The following PRMT3 variants were observed in gnomAD, a reference collection of about 807,000 sequenced individuals.
PRMT3 encodes protein arginine N-methyltransferase 3.
In PRMT3, 62 loss-of-function variants were observed where a neutral mutation model predicts 71.9. The ratio of observed to expected loss-of-function variants is 0.86; its 90% CI spans 0.70 to 1.07. The LOEUF (loss-of-function observed/expected upper bound fraction) is 1.07, where lower values mean the gene tolerates loss of function less well. PRMT3 is among the 50% of genes least tolerant of loss of function. The pLI, the probability that PRMT3 is intolerant of heterozygous loss-of-function variation, is 0.00. For missense variants in PRMT3, 663 were observed against 643.0 expected, an observed-to-expected ratio of 1.03 and a Z score of -0.34; for synonymous variants, 213 against 220.4, an observed-to-expected ratio of 0.97 and a Z score of 0.30.
Position 20,426,948 on chromosome 11 carries a change from A to G in PRMT3, c.993+83A>G, listed in dbSNP as rs891103335. ...TAATAGTTTTCATGAATTTAATTATATTTGATACATGGCAGAATGGTGACA... is the reference window on the plus strand; with the variant it reads ...TAATAGTTTTCATGAATTTAATTATGTTTGATACATGGCAGAATGGTGACA... On this transcript the variant is annotated intron_variant, in intron 10 of 15. Transcript: ENST00000331079. The G allele has an allele frequency of 4.2e-6, 6 of 1,427,206 alleles. No individual in the cohort carries two copies. The African/African-American group carries it at 7.6e-5, about 18-fold the overall frequency. 88.4% of individuals were successfully genotyped at this position (1,427,206 alleles called of 1,614,324 possible). A position where few individuals can be genotyped will look rare whatever the true frequency, so the allele number is the denominator to read the frequency against.
chr11:20,437,841 G>T (rs538285957), intron 10 of PRMT3, among the ~76,000 whole-genome samples: 15 of 151,958 alleles, frequency 9.9e-5, no homozygotes, highest in Non-Finnish European at 2.2e-4. Flanking sequence ...CGCCCGCCTC[G>T]GCCTCCCAAA....
intron 9 of PRMT3, among the ~76,000 whole-genome samples, chr11:20,418,100 A>G (rs1849348247): frequency 6.6e-6 from 1 of 151,770 alleles, no homozygotes; most frequent in Non-Finnish European, 1.5e-5. Flanking sequence ...ATAGGAAAGT[A>G]TGTGTTCTAA....
chr11:20,504,707 T>TGTGTGTGTGTGAGA (rs1332372470), intron 15 of PRMT3, among the ~76,000 whole-genome samples: 1 of 133,590 alleles, frequency 7.5e-6, no homozygotes, highest in African/African-American at 3.0e-5. Context: ...TGTGTGTGTG[T>TGTGTGTGTGTGAGA]GAGAGAGAGA....
At chr11:20,396,635 C>A (rs942861003) in intron 6 of PRMT3, among the ~76,000 whole-genome samples, 3 of 151,116 alleles carry the variant, frequency 2.0e-5, no homozygotes, top group Non-Finnish European at 4.4e-5. Flanking sequence ...AAGACTTTGT[C>A]GGGGTGGGGT....
intron 13 of PRMT3, among the ~76,000 whole-genome samples, chr11:20,479,910 C>T (rs1473220825): frequency 6.6e-6 from 1 of 151,946 alleles, no homozygotes; most frequent in Non-Finnish European, 1.5e-5. Context: ...CTTCCTCAGC[C>T]CCAAGCTAGA....
At position 20,494,212 on chromosome 11, in the gene PRMT3, CAAACA is replaced by C; in HGVS notation, c.1445_1449del (p.Gln482ArgfsTer11). 1 of 1,611,256 alleles carries C rather than the reference CAAACA, an allele frequency of 6.2e-7. No homozygotes were observed. Among genetic ancestry groups the C allele is most frequent in the Non-Finnish European group, 8.5e-7 (1 of 1,177,530 alleles). ...TCAGAGCACCAAAACACACTGGAAACAAACAGTATTTCTACTGGAAAAACCATTTT... is the reference window on the plus strand; with the variant it reads ...TCAGAGCACCAAAACACACTGGAAACGTATTTCTACTGGAAAAACCATTTT... On this transcript the variant is annotated frameshift_variant, in exon 15 of 16. Coordinates refer to ENST00000331079, the MANE Select transcript of PRMT3 (RefSeq NM_005788.4). LOFTEE classifies it high-confidence loss of function.
chr11:20,395,030 C>T (rs1036046105), intron 5 of PRMT3, among the ~76,000 whole-genome samples: 2 of 152,120 alleles, frequency 1.3e-5, no homozygotes, highest in Non-Finnish European at 2.9e-5. Flanking sequence ...CCTCCATAAA[C>T]AGATATATAA....
chr11:20,504,707 T>TGTGTGAGAGAGAGAGAGAGAGA (rs1332372470), intron 15 of PRMT3, among the ~76,000 whole-genome samples: 5 of 133,646 alleles, frequency 3.7e-5, no homozygotes, highest in African/African-American at 9.1e-5. Context: ...TGTGTGTGTG[T>TGTGTGAGAGAGAGAGAGAGAGA]GAGAGAGAGA....
At chr11:20,460,240 G>A (rs1231617145) in intron 11 of PRMT3, among the ~76,000 whole-genome samples, 2 of 152,016 alleles carry the variant, frequency 1.3e-5, no homozygotes, top group Non-Finnish European at 2.9e-5. Context: ...TAATACTCAT[G>A]GTTTTTGTTT....
At chr11:20,425,032 A>G (rs1849514672) in intron 9 of PRMT3, among the ~76,000 whole-genome samples, 1 of 151,780 alleles carries the variant, frequency 6.6e-6, no homozygotes, top group South Asian at 2.1e-4. Flanking sequence ...TGAGCTTGAG[A>G]GAGGTTGAGG....
intron 7 of PRMT3, among the ~76,000 whole-genome samples, chr11:20,400,045 G>A (rs1197767663): frequency 1.3e-5 from 2 of 152,146 alleles, no homozygotes; most frequent in African/African-American, 2.4e-5. Flanking sequence ...GCCAAGTTAC[G>A]TGCCTTGGAT....
intron 13 of PRMT3, among the ~76,000 whole-genome samples, chr11:20,467,452 G>A (rs1055051804): frequency 6.6e-6 from 1 of 151,628 alleles, no homozygotes; most frequent in African/African-American, 2.4e-5. Flanking sequence ...TTGTGGGATT[G>A]TAGAAACTAT....
chr11:20,432,890 G>T (rs1670469029), intron 10 of PRMT3, among the ~76,000 whole-genome samples: 1 of 151,962 alleles, frequency 6.6e-6, no homozygotes, highest in South Asian at 2.1e-4. Context: ...GCCCATTTTT[G>T]ATCAGATTAT....
chr11:20,462,054 T>G lies in PRMT3; in HGVS notation c.1147T>G (p.Trp383Gly). ...VNKHADRIAF[W>G]DDVYGFKMSC... Reference sequence around the variant, plus strand: ...TAAACATGCTGATAGAATTGCTTTTTGGGATGATGTCTATGGCTTCAAGAT... The same window carrying G: ...TAAACATGCTGATAGAATTGCTTTTGGGGATGATGTCTATGGCTTCAAGAT... The change falls in exon 12 of 16, where the codon TGG becomes GGG. Residue 383 changes from tryptophan (W) to glycine (G), a missense_variant. By Grantham distance (184) the Trp-to-Gly change is radical. Transcript: ENST00000331079. 2 of 1,612,952 alleles carry G rather than the reference T, an allele frequency of 1.2e-6. No homozygotes were observed. Among genetic ancestry groups the G allele is most frequent in the Non-Finnish European group, 1.7e-6 (2 of 1,179,228 alleles).
intron 9 of PRMT3, among the ~76,000 whole-genome samples, chr11:20,410,500 T>TGTTC (rs10647170): frequency 6.6e-6 from 1 of 151,756 alleles, no homozygotes; most frequent in East Asian, 1.9e-4. Flanking sequence ...TCAAAATAAA[T>TGTTC]AGGTAGTTGT....
chr11:20,485,444 T>G (rs1851048842), intron 13 of PRMT3, among the ~76,000 whole-genome samples: 1 of 152,190 alleles, frequency 6.6e-6, no homozygotes, highest in Non-Finnish European at 1.5e-5. Context: ...TTTGAAAAAC[T>G]ATGCTTACTA....
rs572214098 is a variant in PRMT3 at position 20,471,331 on chromosome 11, G to A, written c.1347+6785G>A. 5.3e-5 allele frequency among the ~76,000 whole-genome samples: 8 copies of A among 151,994 alleles called. No homozygotes were observed. In the East Asian group the frequency reaches 1.5e-3, roughly 29 times the overall value. On this transcript the variant is annotated intron_variant, in intron 13 of 15. Coordinates refer to ENST00000331079, the MANE Select transcript of PRMT3 (RefSeq NM_005788.4). The stretch of plus-strand genomic sequence containing the variant: ...GTAGTATTACCTAGATTTTCTTCTG[G>A]GGTTTTTATAGTTTTGGGTTTTACA...
chr11:20,424,482 T>C (rs1297122498), intron 9 of PRMT3, among the ~76,000 whole-genome samples: 1 of 152,192 alleles, frequency 6.6e-6, no homozygotes, highest in African/African-American at 2.4e-5. Flanking sequence ...TGATAGTCTG[T>C]CCAACAAAGT....
intron 13 of PRMT3, among the ~76,000 whole-genome samples, chr11:20,476,859 G>T (rs919196084): frequency 6.6e-6 from 1 of 151,878 alleles, no homozygotes; most frequent in African/African-American, 2.4e-5. Flanking sequence ...CAAGTGATCT[G>T]CGATTTTGCT....
Sources: gnomAD v4.1 joint callset for allele counts (sites outside exome capture counted in the v4.1 genomes callset) on GRCh38, gnomAD v4.1.1 for gene constraint, MANE v1.5 for transcripts, NCBI Gene and HGNC (gene_info 2026-07-23, HGNC 2026-07-21) for gene names.